CYP39A1: variants seen among roughly 807,000 people sequenced by gnomAD.
CYP39A1 encodes 24-hydroxycholesterol 7-alpha-hydroxylase.
A neutral mutation model predicts 58.1 loss-of-function variants in CYP39A1; 49 were observed. The ratio of observed to expected loss-of-function variants is 0.84; its 90% confidence interval spans 0.67 to 1.07. CYP39A1 has a LOEUF of 1.07. Ranked by LOEUF, CYP39A1 falls within the 50% of genes least tolerant of loss-of-function variation. The pLI is 0.00. For synonymous variants in CYP39A1, 209 were observed against 187.6 expected (o/e 1.11, Z -0.93); for missense variants, 531 against 539.4 (o/e 0.98, Z 0.16).
intron 1 of CYP39A1, among the ~76,000 whole-genome samples, chr6:46,644,093 C>T (rs1776503774): frequency 6.6e-6 from 1 of 152,160 alleles, no homozygotes; most frequent in African/African-American, 2.4e-5. Flanking sequence ...CCACAAAGAT[C>T]TTAAATGATG....
chr6:46,561,428 G>A (rs1219608278), intron 10 of CYP39A1, among the ~76,000 whole-genome samples: 1 of 152,050 alleles, frequency 6.6e-6, no homozygotes, highest in Admixed American at 6.6e-5. Flanking sequence ...GTGCAGTATG[G>A]GAGCTGCGCA....
intron 8 of CYP39A1, among the ~76,000 whole-genome samples, chr6:46,589,188 C>T (rs1772657832): frequency 6.6e-6 from 1 of 152,112 alleles, no homozygotes; most frequent in Non-Finnish European, 1.5e-5. Context: ...TGTGGTGGCT[C>T]ATGCCTGTAA....
At chr6:46,563,738 TG>T (rs796238977) in intron 10 of CYP39A1, among the ~76,000 whole-genome samples, 4 of 152,156 alleles carry the variant, frequency 2.6e-5, no homozygotes, top group African/African-American at 9.6e-5. Flanking sequence ...TAAGTAGACT[TG>T]TTGAGTGAGA....
chr6:46,609,098 G>A (rs1426274714), intron 7 of CYP39A1, among the ~76,000 whole-genome samples: 1 of 151,568 alleles, frequency 6.6e-6, no homozygotes, highest in South Asian at 2.1e-4. Context: ...TTTGATTACC[G>A]AATAGAAAAA....
Position 46,636,403 on chromosome 6 carries a change from T to C in CYP39A1, c.718A>G (p.Lys240Glu). 1 of 1,602,358 alleles carries C rather than the reference T, an allele frequency of 6.2e-7. No individual in the cohort carries two copies. The highest frequency in any genetic ancestry group is 1.7e-5 in the Admixed American group (1 of 59,410). Reference sequence around the variant, plus strand: ...GAAATACTTACCATGGAATTATCTTTTGCAGATTTACATGCTTTTATATCT... The same window carrying C: ...GAAATACTTACCATGGAATTATCTTCTGCAGATTTACATGCTTTTATATCT... ...IPDIKACKSAKDNSMTLLQAT... is the reference protein window; with the variant it reads ...IPDIKACKSAEDNSMTLLQAT... Residue 240 changes from lysine (K) to glutamate (E), a missense_variant, in exon 5 of 12, where the codon AAA becomes GAA. Physicochemically the swap from Lys to Glu is moderately conservative, Grantham distance 56. Coordinates refer to ENST00000275016, the MANE Select transcript of CYP39A1 (RefSeq NM_016593.5).
chr6:46,585,095 G>A lies in CYP39A1; in HGVS notation c.1250+1982C>T, dbSNP rs140942001. On this transcript the variant is annotated intron_variant, in intron 10 of 11. Coordinates refer to ENST00000275016, the MANE Select transcript of CYP39A1 (RefSeq NM_016593.5). ...CTATTGATTGAGTTACAGCATCATG[G>A]TTCCCTTTATTATACCAATTACTTT... Among the ~76,000 whole-genome samples the A allele has an allele frequency of 4.9e-4, 75 of 152,180 alleles. 1 individual carries two copies. The East Asian group carries it at 0.014, about 29-fold the overall frequency.
At chr6:46,560,225 A>C (rs1770904419) in intron 10 of CYP39A1, among the ~76,000 whole-genome samples, 1 of 152,198 alleles carries the variant, frequency 6.6e-6, no homozygotes, top group Non-Finnish European at 1.5e-5. Flanking sequence ...ACAAGCTCTG[A>C]AAGGATCCTT....
intron 7 of CYP39A1, among the ~76,000 whole-genome samples, chr6:46,611,995 G>T (rs551908469): frequency 6.6e-6 from 1 of 152,236 alleles, no homozygotes; most frequent in African/African-American, 2.4e-5. Context: ...AAAATGTAGA[G>T]AACAAATAAA....
intron 7 of CYP39A1, among the ~76,000 whole-genome samples, chr6:46,615,957 C>G (rs1004782662): frequency 6.6e-6 from 1 of 151,588 alleles, no homozygotes; most frequent in Non-Finnish European, 1.5e-5. Flanking sequence ...TATAATACCA[C>G]CTTCCCCCAT....
At chr6:46,569,906 T>G (rs1172225655) in intron 10 of CYP39A1, among the ~76,000 whole-genome samples, 15 of 152,100 alleles carry the variant, frequency 9.9e-5, no homozygotes, top group Admixed American at 9.8e-4. Flanking sequence ...AAGTGTTCTC[T>G]CTTCAATTTT....
chr6:46,627,684 C>T lies in CYP39A1; in HGVS notation c.841-2176G>A, dbSNP rs569885281. Among the ~76,000 whole-genome samples, 37 of 152,194 alleles carry T rather than the reference C, an allele frequency of 2.4e-4. 1 individual carries two copies. The highest frequency in any genetic ancestry group is 3.9e-4 in the Admixed American group (6 of 15,284). Reference sequence around the variant, plus strand: ...CCGCCCGCCTCAGCCTCCCGAAGTGCTGGTATTACAGGCGTGAGCCACTTT... The same window carrying T: ...CCGCCCGCCTCAGCCTCCCGAAGTGTTGGTATTACAGGCGTGAGCCACTTT... On this transcript the variant is annotated intron_variant, in intron 6 of 11. Transcript: ENST00000275016.
intron 8 of CYP39A1, among the ~76,000 whole-genome samples, chr6:46,594,313 A>C (rs1450806072): frequency 6.6e-6 from 1 of 152,124 alleles, no homozygotes; most frequent in Non-Finnish European, 1.5e-5. Flanking sequence ...CAAAATTCTA[A>C]TGACATTTTT....
At chr6:46,616,124 C>T (rs532163012) in intron 7 of CYP39A1, among the ~76,000 whole-genome samples, 3,376 of 8,068 alleles carry the variant, frequency 0.42, 146 homozygotes, top group Middle Eastern at 0.5. Context: ...TCTTTCTTTT[C>T]TTTCTTTCTT....
chr6:46,642,174 A>G lies in CYP39A1; in HGVS notation c.302T>C (p.Val101Ala). 1 of 1,612,732 alleles carries G rather than the reference A, an allele frequency of 6.2e-7. No homozygotes were observed. Among genetic ancestry groups the G allele is most frequent in the Non-Finnish European group, 8.5e-7 (1 of 1,179,304 alleles). The change falls in exon 2 of 12, where the codon GTT becomes GCT. Residue 101 changes from valine (V) to alanine (A), a missense_variant. Physicochemically the swap from Val to Ala is moderately conservative, Grantham distance 64. Coordinates refer to ENST00000275016, the MANE Select transcript of CYP39A1 (RefSeq NM_016593.5). ...VDFELAVQNI[V>A]YRTASIPKNV... ...AAAATATTCTTTACCTGTACGATAA[A>G]CGATATTTTGCACTGCTAGTTCAAA...
intron 7 of CYP39A1, among the ~76,000 whole-genome samples, chr6:46,600,096 A>G (rs574348013): frequency 2.0e-4 from 30 of 152,010 alleles, no homozygotes; most frequent in African/African-American, 5.1e-4. Flanking sequence ...GTATTCATAC[A>G]TAATAAGCCC....
At chr6:46,607,608 T>C (rs1773927850) in intron 7 of CYP39A1, among the ~76,000 whole-genome samples, 2 of 152,116 alleles carry the variant, frequency 1.3e-5, no homozygotes, top group Admixed American at 1.3e-4. Context: ...AATCCATGTT[T>C]TGCCAGAAAA....
In CYP39A1 at chr6:46,604,982, C is replaced by T. The variant is rs79313562; in HGVS notation, c.932-8862G>A. On this transcript the variant is annotated intron_variant, in intron 7 of 11. Coordinates refer to ENST00000275016, the MANE Select transcript of CYP39A1 (RefSeq NM_016593.5). ...CATTGGGCTACATATAAAATACTAA[C>T]ACTAACAATAGCTGATGAGCTTAAA... 4.1e-3 allele frequency among the ~76,000 whole-genome samples: 623 copies of T among 150,392 alleles called. 5 individuals are homozygous for T. Among genetic ancestry groups the T allele is most frequent in the African/African-American group, 0.014 (592 of 40,878 alleles).
intron 11 of CYP39A1, among the ~76,000 whole-genome samples, chr6:46,552,484 T>A (rs1335841200): frequency 6.6e-6 from 1 of 152,182 alleles, no homozygotes; most frequent in Admixed American, 6.5e-5. Context: ...TCTGTGTCAC[T>A]TACGCACTTA....
intron 7 of CYP39A1, among the ~76,000 whole-genome samples, chr6:46,624,559 A>AAT (rs1775185546): frequency 6.6e-5 from 10 of 152,250 alleles, no homozygotes; most frequent in Admixed American, 2.6e-4. Context: ...ATAAGAAGCA[A>AAT]TCCAAAAAAA....
Sources: allele counts gnomAD v4.1 joint callset (sites outside exome capture counted in the v4.1 genomes callset), GRCh38; gene constraint gnomAD v4.1.1; transcripts MANE v1.5; gene names NCBI Gene and HGNC (gene_info 2026-07-23, HGNC 2026-07-21).